The following GLP2R variants were observed in gnomAD, a reference collection of about 807,000 sequenced individuals.
The protein encoded by GLP2R is glucagon-like peptide 2 receptor.
In GLP2R, 59 loss-of-function variants were observed where a neutral mutation model predicts 68.2. The observed-to-expected ratio is 0.87, with a 90% CI of 0.70 to 1.07. GLP2R has a LOEUF of 1.07. Among genes scored for constraint, GLP2R ranks in the 50% least tolerant of loss-of-function variants. The pLI is 0.00. For missense variants in GLP2R, 548 were observed against 677.4 expected (o/e 0.81, Z 2.12); for synonymous variants, 270 against 265.4 (o/e 1.02, Z -0.17).
intron 3 of GLP2R, among the ~76,000 whole-genome samples, chr17:9,841,477 G>A (rs768944516): frequency 5.7e-4 from 87 of 152,258 alleles, no homozygotes; most frequent in Non-Finnish European, 1.1e-3. Context: ...TCAGATTCTG[G>A]GTACAGATGA....
chr17:9,826,143 G>T lies in GLP2R; in HGVS notation c.80G>T (p.Gly27Val). ...LLPGVHELPM[G>V]IPAPWGTSPL... ...CCTGGCGTCCACGAGCTGCCCATGG[G>T]CATCCCTGCCCCCTGGGGGACCAGT... The change falls in exon 1 of 13, where the codon GGC (glycine) becomes GTC (valine). Residue 27 changes from glycine (G) to valine (V), a missense_variant. Physicochemically the swap from Gly to Val is moderately radical, Grantham distance 109. Transcript: ENST00000262441. The T allele has an allele frequency of 1.2e-6, 2 of 1,612,666 alleles. No homozygotes were observed. Among genetic ancestry groups the T allele is most frequent in the Admixed American group, 3.3e-5 (2 of 59,858 alleles).
rs750788020 is a variant in GLP2R at position 9,887,948 on chromosome 17, T to C, written c.1301T>C (p.Leu434Ser). 1.9e-6 allele frequency: 3 copies of C among 1,612,674 alleles called. No individual in the cohort carries two copies. Among genetic ancestry groups the C allele is most frequent in the South Asian group, 2.2e-5 (2 of 91,052 alleles). Reference protein sequence around the residue: ...LSSFHGFLVALQYGFANGEVK... With the variant: ...LSSFHGFLVASQYGFANGEVK... ...TTGTTTCAGGGGTTCCTGGTGGCCT[T>C]GCAGTATGGTTTTGCCAATGGAGAG... The change falls in exon 12 of 13, where the codon TTG becomes TCG. Residue 434 changes from leucine (L) to serine (S), a missense_variant. By Grantham distance (145) the Leu-to-Ser change is moderately radical. Transcript: ENST00000262441.
At chr17:9,835,605 G>C (rs1727671138) in intron 2 of GLP2R, among the ~76,000 whole-genome samples, 1 of 152,148 alleles carries the variant, frequency 6.6e-6, no homozygotes, top group African/African-American at 2.4e-5. Flanking sequence ...GTATTCCGCT[G>C]GTCGTTTTGT....
In GLP2R at chr17:9,889,809, T is replaced by C; in HGVS notation, c.*104T>C. 1.4e-6 allele frequency: 1 copy of C among 701,412 alleles called. No individual in the cohort carries two copies. The highest frequency in any genetic ancestry group is 2.4e-6 in the Non-Finnish European group (1 of 421,348). 43.4% of individuals were successfully genotyped at this position (701,412 alleles called of 1,614,324 possible). ...GTTGCTGGGCACGGAATCATTCTCG[T>C]TCCATTCACCATGCCACTTTGATAT... On this transcript the variant is annotated 3_prime_UTR_variant, in exon 13 of 13. Transcript: ENST00000262441.
chr17:9,850,929 G>GTGATCCTCC (rs2066885924), intron 4 of GLP2R, among the ~76,000 whole-genome samples: 1 of 152,014 alleles, frequency 6.6e-6, no homozygotes, highest in African/African-American at 2.4e-5. Context: ...CTGAACTCAG[G>GTGATCCTCC]TGATCCTCCT....
intron 3 of GLP2R, among the ~76,000 whole-genome samples, chr17:9,840,473 T>C (rs984685281): frequency 6.6e-6 from 1 of 152,244 alleles, no homozygotes; most frequent in African/African-American, 2.4e-5. Flanking sequence ...CTAATATTTA[T>C]GAAGCACCTG....
intron 10 of GLP2R, among the ~76,000 whole-genome samples, chr17:9,874,124 A>C (rs1202554291): frequency 1.3e-5 from 2 of 152,214 alleles, no homozygotes; most frequent in Non-Finnish European, 2.9e-5. Flanking sequence ...ATTATCCTCT[A>C]TTATAATATT....
At position 9,870,813 on chromosome 17, in the gene GLP2R, T is replaced by G. The variant is rs2067085659; in HGVS notation, c.1123T>G (p.Cys375Gly). ...TTCTAAGCTCAAAGCTCATCAAATG[T>G]GCTTCAGAGATTATAAATACAGGTG... ...LISKLKAHQM[C>G]FRDYKYRLAK... is the part of the protein sequence containing the mutation. The change falls in exon 10 of 13, where the codon TGC (cysteine) becomes GGC (glycine). Residue 375 changes from cysteine to glycine, a missense_variant. Coordinates refer to ENST00000262441, the MANE Select transcript of GLP2R (RefSeq NM_004246.3). The G allele has an allele frequency of 6.4e-7, 1 of 1,552,812 alleles. No individual in the cohort carries two copies.
chr17:9,874,276 G>A (rs55673552), intron 10 of GLP2R, among the ~76,000 whole-genome samples: 31,345 of 151,886 alleles, frequency 0.21, 4,222 homozygotes, highest in Non-Finnish European at 0.3. Context: ...TGCTTTGTGG[G>A]GAGAAAGAGC....
chr17:9,836,075 T>G (rs1420689377), intron 2 of GLP2R, among the ~76,000 whole-genome samples: 1 of 151,248 alleles, frequency 6.6e-6, no homozygotes, highest in Non-Finnish European at 1.5e-5. Context: ...GAAAGAAAGT[T>G]TAGTTCATGT....
chr17:9,842,554 A>T lies in GLP2R; in HGVS notation c.442A>T (p.Asn148Tyr), dbSNP rs2152033844. 1.2e-6 allele frequency: 2 copies of T among 1,614,038 alleles called. No individual in the cohort carries two copies. The highest frequency in any genetic ancestry group is 1.7e-4 in the Middle Eastern group (1 of 6,050). The change falls in exon 4 of 13, where the codon AAC becomes TAC. Residue 148 changes from asparagine (N) to tyrosine (Y), a missense_variant. Physicochemically the swap from Asn to Tyr is moderately radical, Grantham distance 143 (BLOSUM62 -2). Coordinates refer to ENST00000262441, the MANE Select transcript of GLP2R (RefSeq NM_004246.3). ...TCAGGGGACTTGGCAGACGATAGAG[A>T]ACGCCACGGATATTTGGCAGGATGA... ...LAQGTWQTIE[N>Y]ATDIWQDDSE...
chr17:9,859,846 A>AAAAAT, intron 6 of GLP2R, 96 bp from the exon 7 acceptor site: 1 of 540,432 alleles, frequency 1.9e-6, no homozygotes, highest in Non-Finnish European at 2.8e-6. Flanking sequence ...AAAAAAAAAA[A>AAAAAT]GAGGGAGAGG....
chr17:9,890,346 T>G lies in GLP2R; in HGVS notation c.*641T>G, dbSNP rs1166053019. On this transcript the variant is annotated 3_prime_UTR_variant, in exon 13 of 13. Transcript: ENST00000262441. ...CAGGTCAGCTGGGGTGTGCCTGCCCTCCTTGGAGAGTATGTAACTCCACCC... is the reference window on the plus strand; with the variant it reads ...CAGGTCAGCTGGGGTGTGCCTGCCCGCCTTGGAGAGTATGTAACTCCACCC... The G allele has an allele frequency of 3.4e-6, 1 of 293,020 alleles. No individual in the cohort carries two copies. Among genetic ancestry groups the G allele is most frequent in the Admixed American group, 4.5e-5 (1 of 22,192 alleles). 18.2% of individuals were successfully genotyped at this position (293,020 alleles called of 1,614,324 possible).
At chr17:9,844,467 G>A (rs1184691737) in intron 4 of GLP2R, among the ~76,000 whole-genome samples, 1 of 151,826 alleles carries the variant, frequency 6.6e-6, no homozygotes, top group East Asian at 1.9e-4. Flanking sequence ...GGAAGAAGAG[G>A]GAGGGTGGAC....
intron 4 of GLP2R, among the ~76,000 whole-genome samples, chr17:9,845,825 A>G (rs561925706): frequency 1.3e-5 from 2 of 152,124 alleles, no homozygotes; most frequent in East Asian, 1.9e-4. Context: ...TTGTTAAGTT[A>G]TTAAGGTCAA....
chr17:9,874,095 T>A (rs1217429296), intron 10 of GLP2R, among the ~76,000 whole-genome samples: 3 of 152,122 alleles, frequency 2.0e-5, no homozygotes, highest in Non-Finnish European at 2.9e-5. Context: ...AGATAAAAAT[T>A]AATATATATA....
intron 4 of GLP2R, among the ~76,000 whole-genome samples, chr17:9,845,391 C>T (rs2066827919): frequency 6.6e-6 from 1 of 152,136 alleles, no homozygotes; most frequent in African/African-American, 2.4e-5. Context: ...GCAAGGAGTT[C>T]AGTTTTAGAA....
intron 1 of GLP2R, among the ~76,000 whole-genome samples, chr17:9,832,365 G>A (rs1017294455): frequency 6.6e-6 from 1 of 152,118 alleles, no homozygotes; most frequent in African/African-American, 2.4e-5. Context: ...ACAAGGTCAG[G>A]AGTTCGAGAC....
chr17:9,882,054 A>C (rs541870234), intron 11 of GLP2R, among the ~76,000 whole-genome samples: 1 of 152,086 alleles, frequency 6.6e-6, no homozygotes, highest in East Asian at 1.9e-4. Context: ...AAAAAAAAAA[A>C]AGAAATGAGA....
Sources: allele counts gnomAD v4.1 joint callset (sites outside exome capture counted in the v4.1 genomes callset), GRCh38; gene constraint gnomAD v4.1.1; transcripts MANE v1.5; gene names NCBI Gene and HGNC (gene_info 2026-07-23, HGNC 2026-07-21).